VPS13D: variants seen among roughly 807,000 people sequenced by gnomAD.
VPS13D encodes the protein vacuolar protein sorting 13 homolog D.
VPS13D carries 187 observed loss-of-function variants against 461.9 expected under a neutral mutation model. That is an observed-to-expected ratio of 0.40 (90% CI 0.36 to 0.46). The LOEUF (loss-of-function observed/expected upper bound fraction) is 0.46. VPS13D is among the 20% of genes least tolerant of loss of function. The pLI is 0.60. For missense variants in VPS13D, 4,711 were observed against 5,364.9 expected, an observed-to-expected ratio of 0.88 and a Z score of 3.81; for synonymous variants, 1,951 against 1,986.3, an observed-to-expected ratio of 0.98 and a Z score of 0.47.
In VPS13D at chr1:12,372,878, A is replaced by G. The variant is rs79136564; in HGVS notation, c.10809-872A>G. ...CTAAATAAAACTTCCAAACATCCCT[A>G]AGTGTAGCCAGGCTGCAACATTCCA... On this transcript the variant is annotated intron_variant, in intron 54 of 69. Coordinates refer to ENST00000620676, the MANE Select transcript of VPS13D (RefSeq NM_015378.4). Among the ~76,000 whole-genome samples, 836 of 150,162 alleles carry G rather than the reference A, an allele frequency of 5.6e-3. 7 individuals are homozygous for G. Among genetic ancestry groups the G allele is most frequent in the African/African-American group, 0.019 (760 of 40,722 alleles).
At chr1:12,417,692 T>C (rs1248999075) in intron 65 of VPS13D, among the ~76,000 whole-genome samples, 1 of 152,190 alleles carries the variant, frequency 6.6e-6, no homozygotes, top group East Asian at 1.9e-4. Context: ...GAAATGTATC[T>C]TGAAGAGGAG....
At chr1:12,356,313 C>G (rs1643885409) in intron 48 of VPS13D, 85 bp from the exon 49 acceptor site, 2 of 1,494,358 alleles carry the variant, frequency 1.3e-6, no homozygotes, top group East Asian at 4.8e-5. Flanking sequence ...TCTTTTCCCG[C>G]TTGATGGTTT....
Position 12,295,222 on chromosome 1 carries a change from C to CAA in VPS13D, c.6033+1535_6033+1536dup, listed in dbSNP as rs112447551. On this transcript the variant is annotated intron_variant, in intron 24 of 69. Transcript: ENST00000620676. The stretch of plus-strand genomic sequence containing the variant: ...CCTTGGTGACAGAGCCACCATGACT[C>CAA]AAAAAAAAAAAAAAAAAACAAAACT... Among the ~76,000 whole-genome samples the CAA allele has an allele frequency of 7.8e-3, 570 of 72,856 alleles. 6 individuals carry two copies. The highest frequency in any genetic ancestry group is 0.018 in the African/African-American group (421 of 23,796). 47.8% of individuals were successfully genotyped at this position (72,856 alleles called of 152,430 possible).
Position 12,393,445 on chromosome 1 carries a change from A to G in VPS13D, c.11635-6736A>G, listed in dbSNP as rs529671840. 5.3e-4 allele frequency among the ~76,000 whole-genome samples: 81 copies of G among 152,366 alleles called. 2 individuals are homozygous for G. In the South Asian group the frequency reaches 0.016, roughly 30 times the overall value. On this transcript the variant is annotated intron_variant, in intron 60 of 69. Coordinates refer to ENST00000620676, the MANE Select transcript of VPS13D (RefSeq NM_015378.4). ...AGGCATTTGCCAAGTCAGTGGCTGC[A>G]TACCAGGTACCAGGAGATGTGTTAA...
At chr1:12,251,278 C>T (rs951024559) in intron 6 of VPS13D, among the ~76,000 whole-genome samples, 21 of 152,268 alleles carry the variant, frequency 1.4e-4, no homozygotes, top group African/African-American at 4.8e-4. Context: ...GTGTGCTCCT[C>T]CTTTCACTTC....
chr1:12,259,161 C>T (rs559319359), intron 10 of VPS13D, among the ~76,000 whole-genome samples: 1 of 151,932 alleles, frequency 6.6e-6, no homozygotes, highest in South Asian at 2.1e-4. Context: ...CCCAACTCAG[C>T]CTTCCAAATA....
rs902826305 is a variant in VPS13D at position 12,277,558 on chromosome 1, A to G, written c.3970A>G (p.Lys1324Glu). The G allele has an allele frequency of 1.2e-6, 2 of 1,613,942 alleles. No homozygotes were observed. Among genetic ancestry groups the G allele is most frequent in the African/African-American group, 1.3e-5 (1 of 74,932 alleles). The change falls in exon 19 of 70, where the codon AAA becomes GAA. Residue 1324 changes from lysine (K) to glutamate (E), a missense_variant. Physicochemically the swap from Lys to Glu is moderately conservative, Grantham distance 56. Coordinates refer to ENST00000620676, the MANE Select transcript of VPS13D (RefSeq NM_015378.4). The stretch of plus-strand genomic sequence containing the variant: ...AGGTATGCTGAAAAGCGCAGCCACC[A>G]AAGTCACCACAGTACTAGCTACCAA... ...FRGMLKSAAT[K>E]VTTVLATKTA...
At chr1:12,430,580 T>C (rs1188037710) in intron 65 of VPS13D, among the ~76,000 whole-genome samples, 1 of 152,248 alleles carries the variant, frequency 6.6e-6, no homozygotes, top group African/African-American at 2.4e-5. Context: ...TAAATGGTTT[T>C]GCCAAGACCG....
In VPS13D at chr1:12,278,064, A is replaced by G. The variant is rs768873319; in HGVS notation, c.4450+26A>G. 1.4e-5 allele frequency: 22 copies of G among 1,567,978 alleles called. No individual in the cohort carries two copies. In the Admixed American group the frequency reaches 2.0e-4, roughly 14 times the overall value. On this transcript the variant is annotated intron_variant, in intron 19 of 69. Transcript: ENST00000620676. ...GTGAGGAGCATCAGTCTTTTGTTCT[A>G]TTTTGTTTAATGATTGAAAACCCAG...
rs139064324 is a variant in VPS13D at position 12,380,741 on chromosome 1, A to C, written c.11190+1145A>C. On this transcript the variant is annotated intron_variant, in intron 57 of 69. Transcript: ENST00000620676. ...ACTCTTGATAGAGAACTCTGAGTGT[A>C]CTTAGATTGTACTCCAGGGCAGTTT... Among the ~76,000 whole-genome samples, 332 of 152,334 alleles carry C rather than the reference A, an allele frequency of 2.2e-3. 2 individuals carry two copies. The highest frequency in any genetic ancestry group is 7.5e-3 in the African/African-American group (312 of 41,566).
rs144215414 is a variant in VPS13D, at chr1:12,441,928, T to C, written c.12334-14070T>C. On this transcript the variant is annotated intron_variant, in intron 65 of 69. Coordinates refer to ENST00000620676, the MANE Select transcript of VPS13D (RefSeq NM_015378.4). ...CTTCCCAGGCAATGCATAGTCCTTA[T>C]ACCACTTTATCTCCATTTGCCTTTT... Among the ~76,000 whole-genome samples the C allele has an allele frequency of 9.3e-4, 142 of 152,338 alleles. 1 individual carries two copies. Among genetic ancestry groups the C allele is most frequent in the African/African-American group, 3.0e-3 (124 of 41,582 alleles).
intron 16 of VPS13D, 24 bp from the exon 17 acceptor site, chr1:12,270,970 T>C (rs1310914180): frequency 6.2e-7 from 1 of 1,610,886 alleles, no homozygotes; most frequent in Non-Finnish European, 8.5e-7. Context: ...ATTCTGACTC[T>C]GCTGTGTATT....
chr1:12,264,666 C>T (rs1254231720), intron 13 of VPS13D, among the ~76,000 whole-genome samples: 1 of 152,184 alleles, frequency 6.6e-6, no homozygotes, highest in African/African-American at 2.4e-5. Context: ...TTGAAGCTAG[C>T]AGAGGCTGGT....
chr1:12,426,300 ATGAGCTGACAG>A (rs2100279451), intron 65 of VPS13D, among the ~76,000 whole-genome samples: 1 of 152,330 alleles, frequency 6.6e-6, no homozygotes, highest in East Asian at 1.9e-4. Flanking sequence ...CCACTTTGGT[ATGAGCTGACAG>A]TGAGCTTCAG....
chr1:12,252,707 G>A (rs944225082), intron 6 of VPS13D, among the ~76,000 whole-genome samples: 2 of 151,136 alleles, frequency 1.3e-5, no homozygotes, highest in Admixed American at 1.3e-4. Context: ...GGGAAGTGAA[G>A]GTTGCAGTGA....
intron 32 of VPS13D, among the ~76,000 whole-genome samples, chr1:12,320,168 T>C (rs1642996895): frequency 6.6e-6 from 1 of 152,254 alleles, no homozygotes; most frequent in Non-Finnish European, 1.5e-5. Flanking sequence ...TGGATAATAG[T>C]GGTGCTTTAG....
chr1:12,356,065 T>C lies in VPS13D; in HGVS notation c.9846T>C (p.Ala3282=). 3 of 1,613,120 alleles carry C rather than the reference T, an allele frequency of 1.9e-6. No homozygotes were observed. Among genetic ancestry groups the C allele is most frequent in the Non-Finnish European group, 2.5e-6 (3 of 1,179,464 alleles). The change falls in exon 48 of 70, where the codon GCT becomes GCC. Residue 3282 remains alanine, a synonymous_variant. Transcript: ENST00000620676. ...GATCCTTAAAGATCTTCATTTCTGC[T>C]CCATATTGGCTGATTAACAAAACAG... The part of the protein sequence containing the change: ...AEGSLKIFIS[A]PYWLINKTGL...
At chr1:12,314,725 C>T (rs577815060) in intron 30 of VPS13D, among the ~76,000 whole-genome samples, 1 of 152,310 alleles carries the variant, frequency 6.6e-6, no homozygotes, top group South Asian at 2.1e-4. Flanking sequence ...CCATTCAAGT[C>T]TTACTGACTC....
intron 30 of VPS13D, among the ~76,000 whole-genome samples, chr1:12,315,604 G>T (rs1291272944): frequency 6.6e-6 from 1 of 152,078 alleles, no homozygotes; most frequent in East Asian, 1.9e-4. Context: ...CTCTTCTAAG[G>T]TCACACAGCT....
Sources: gnomAD v4.1 joint callset for allele counts (sites outside exome capture counted in the v4.1 genomes callset) on GRCh38, gnomAD v4.1.1 for gene constraint, MANE v1.5 for transcripts, NCBI Gene and HGNC (gene_info 2026-07-23, HGNC 2026-07-21) for gene names.